GRAMD1B: variants seen among roughly 807,000 people sequenced by gnomAD.
GRAMD1B encodes GRAM domain containing 1B.
In GRAMD1B, 37 loss-of-function variants were observed where a neutral mutation model predicts 99.7. The ratio of observed to expected loss-of-function variants is 0.37; its 90% CI spans 0.29 to 0.49. The LOEUF (loss-of-function observed/expected upper bound fraction) is 0.49, where lower values mean the gene tolerates loss of function less well. Ranked by LOEUF, GRAMD1B falls within the 20% of genes least tolerant of loss-of-function variation. GRAMD1B has a pLI of 0.98. For synonymous variants in GRAMD1B, 427 were observed against 387.6 expected (o/e 1.10, Z -1.19); for missense variants, 888 against 1,009.2 (o/e 0.88, Z 1.63).
chr11:123,361,133 A>G (rs1458812109), intron 1 of GRAMD1B, among the ~76,000 whole-genome samples: 1 of 152,140 alleles, frequency 6.6e-6, no homozygotes, highest in Non-Finnish European at 1.5e-5. Context: ...CATCCTTCTA[A>G]GGAGATGGCA....
intron 1 of GRAMD1B, among the ~76,000 whole-genome samples, chr11:123,364,229 G>A (rs1946242043): frequency 6.6e-6 from 1 of 152,234 alleles, no homozygotes; most frequent in Non-Finnish European, 1.5e-5. Flanking sequence ...GCGATGGGTG[G>A]AACAGTTGGA....
At chr11:123,511,996 TAGAA>T (rs1196766910) in intron 2 of GRAMD1B, among the ~76,000 whole-genome samples, 1 of 152,238 alleles carries the variant, frequency 6.6e-6, no homozygotes, top group Non-Finnish European at 1.5e-5. Flanking sequence ...TCAGTTTTCT[TAGAA>T]AGGAGCCAGA....
At chr11:123,464,505 T>C (rs1050933569) in intron 1 of GRAMD1B, among the ~76,000 whole-genome samples, 7 of 152,116 alleles carry the variant, frequency 4.6e-5, no homozygotes, top group African/African-American at 1.7e-4. Flanking sequence ...TCCACCAATC[T>C]AGTTGTTAAA....
rs780116124 is a variant in GRAMD1B, at chr11:123,608,726, C to T, written c.1581C>T (p.Ser527=). 5 of 1,556,200 alleles carry T rather than the reference C, an allele frequency of 3.2e-6. No individual in the cohort carries two copies. Among genetic ancestry groups the T allele is most frequent in the Middle Eastern group, 1.7e-4 (1 of 5,968 alleles). Residue 527 remains serine (S), a synonymous_variant, in exon 12 of 20, where the codon AGC becomes AGT. Transcript: ENST00000635736. ...ACGTGAATGAAGTCTTCAACTTCAG[C>T]GTGGACAAGCTCTATGACCTCCTCT... ...RQYVNEVFNF[S]VDKLYDLLFT...
chr11:123,385,743 C>T (rs1376876114), intron 1 of GRAMD1B, among the ~76,000 whole-genome samples: 1 of 152,156 alleles, frequency 6.6e-6, no homozygotes, highest in South Asian at 2.1e-4. Flanking sequence ...TATCCATCCT[C>T]ATAGATTGTT....
At chr11:123,433,615 G>A (rs1949008569) in intron 1 of GRAMD1B, among the ~76,000 whole-genome samples, 1 of 152,122 alleles carries the variant, frequency 6.6e-6, no homozygotes, top group Non-Finnish European at 1.5e-5. Flanking sequence ...AATGGTGCCT[G>A]TGAATAACCA....
At chr11:123,613,055 C>A in intron 15 of GRAMD1B, 191 bp downstream of exon 15, 1 of 591,002 alleles carries the variant, frequency 1.7e-6, no homozygotes, top group Admixed American at 3.1e-5. Context: ...GTGCATTTTT[C>A]TAGACTGTGT....
intron 2 of GRAMD1B, among the ~76,000 whole-genome samples, chr11:123,536,676 G>A (rs190901647): frequency 2.2e-4 from 34 of 152,176 alleles, no homozygotes; most frequent in African/African-American, 7.0e-4. Flanking sequence ...GCCTTAGGTG[G>A]GGCCAGCGAG....
intron 2 of GRAMD1B, among the ~76,000 whole-genome samples, chr11:123,535,367 A>G (rs868141732): frequency 1.3e-5 from 2 of 152,118 alleles, no homozygotes; most frequent in African/African-American, 4.8e-5. Context: ...CCAAGACCAT[A>G]TAATAAATGG....
chr11:123,524,621 T>C lies in GRAMD1B; in HGVS notation c.452+43728T>C, dbSNP rs138045440. ...TCCCAAAGTGCTGGGATTACAGGCA[T>C]GAGCCACTGTGCGTGACCAAAGGAG... On this transcript the variant is annotated intron_variant, in intron 2 of 19. Coordinates refer to ENST00000635736, the MANE Select transcript of GRAMD1B (RefSeq NM_001387025.1). Among the ~76,000 whole-genome samples the C allele has an allele frequency of 7.5e-3, 1,138 of 152,322 alleles. 14 individuals carry two copies. Among genetic ancestry groups the C allele is most frequent in the African/African-American group, 0.026 (1,066 of 41,562 alleles).
At chr11:123,469,908 A>T (rs1304968022) in intron 1 of GRAMD1B, among the ~76,000 whole-genome samples, 2 of 152,094 alleles carry the variant, frequency 1.3e-5, no homozygotes, top group Admixed American at 1.3e-4. Context: ...GCCTTCTGCT[A>T]AGTGCTGCAT....
rs1955274860 is a variant in GRAMD1B, at chr11:123,622,667, T to A, written c.*72T>A. 1.8e-5 allele frequency: 6 copies of A among 342,504 alleles called. No individual in the cohort carries two copies. The highest frequency in any genetic ancestry group is 1.7e-4 in the South Asian group (3 of 17,158). The allele number at this position is 342,504 out of a possible 1,614,324, so 21.2% of individuals were successfully genotyped here. A position where few individuals can be genotyped will look rare whatever the true frequency, so the allele number is the denominator to read the frequency against. Reference sequence around the variant, plus strand: ...CATAGACCATATAAATATATATATATAAATATATATATATACAGAATATAA... The same window carrying A: ...CATAGACCATATAAATATATATATAAAAATATATATATATACAGAATATAA... On this transcript the variant is annotated 3_prime_UTR_variant, in exon 20 of 20. Coordinates refer to ENST00000635736, the MANE Select transcript of GRAMD1B (RefSeq NM_001387025.1).
upstream of GRAMD1B, among the ~76,000 whole-genome samples, chr11:123,425,343 G>A (rs974847497): frequency 1.3e-5 from 2 of 152,182 alleles, no homozygotes; most frequent in African/African-American, 2.4e-5. Context: ...GCCAAGGACA[G>A]GTGGGGCGAC....
At chr11:123,618,914 G>T in intron 18 of GRAMD1B, 114 bp downstream of exon 18, 1 of 727,480 alleles carries the variant, frequency 1.4e-6, no homozygotes, top group South Asian at 1.5e-5. Context: ...TCTGGGATGA[G>T]CCCACAGGGA....
chr11:123,451,947 T>C (rs1949907779), intron 1 of GRAMD1B, among the ~76,000 whole-genome samples: 1 of 152,092 alleles, frequency 6.6e-6, no homozygotes, highest in Non-Finnish European at 1.5e-5. Context: ...GATCCTTTTG[T>C]CTCAACCTCC....
intron 2 of GRAMD1B, among the ~76,000 whole-genome samples, chr11:123,496,627 T>G (rs907211691): frequency 2.6e-5 from 4 of 151,560 alleles, no homozygotes; most frequent in Non-Finnish European, 5.9e-5. Context: ...GTAGGCATGC[T>G]TCATTGTTTT....
Position 123,587,018 on chromosome 11 carries a change from A to G in GRAMD1B, c.684+2686A>G, listed in dbSNP as rs1353826551. Among the ~76,000 whole-genome samples, 1 of 152,220 alleles carries G rather than the reference A, an allele frequency of 6.6e-6. No individual in the cohort carries two copies. Among genetic ancestry groups the G allele is most frequent in the Non-Finnish European group, 1.5e-5 (1 of 68,028 alleles). On this transcript the variant is annotated intron_variant, in intron 4 of 19. Transcript: ENST00000635736. This position sits in a 1 kb window ranked among gnomAD's most constrained non-coding sequence, Gnocchi z 4.2. ...GCCAGTGCCCTGCAGAATCGCTGAT[A>G]GTGGCAAGAGCATTCAGGCCCACTG...
intron 2 of GRAMD1B, among the ~76,000 whole-genome samples, chr11:123,520,222 C>A (rs751642796): frequency 1.4e-4 from 22 of 152,076 alleles, no homozygotes; most frequent in Non-Finnish European, 3.2e-4. Flanking sequence ...CAGAAGAAAC[C>A]GTGGTAACAA....
upstream of GRAMD1B, among the ~76,000 whole-genome samples, chr11:123,429,658 C>T (rs1034585115): frequency 6.6e-6 from 1 of 152,132 alleles, no homozygotes; most frequent in African/African-American, 2.4e-5. The surrounding 1 kb of genome is among the most constrained non-coding windows in gnomAD (Gnocchi z 4.0). Context: ...AGGGTTCAGG[C>T]CCCATTTTCC....
Sources: allele counts gnomAD v4.1 joint callset (sites outside exome capture counted in the v4.1 genomes callset), GRCh38; gene constraint gnomAD v4.1.1; non-coding constraint Gnocchi (gnomAD v3.1); transcripts MANE v1.5; gene names NCBI Gene and HGNC (gene_info 2026-07-23, HGNC 2026-07-21).